DLGAP3: variants seen among roughly 807,000 people sequenced by gnomAD.
DLGAP3 encodes the protein DLG associated protein 3, also known as disks large-associated protein 3.
Under a neutral mutation model 81.2 loss-of-function variants are expected in DLGAP3, and 17 were observed. That is an observed-to-expected ratio of 0.21 (90% CI 0.14 to 0.31). The LOEUF (loss-of-function observed/expected upper bound fraction) is 0.31, where lower values mean the gene tolerates loss of function less well. DLGAP3 is among the 10% of genes least tolerant of loss of function. The pLI, the probability that DLGAP3 is intolerant of heterozygous loss-of-function variation, is 1.00. For synonymous variants in DLGAP3, 577 were observed against 587.4 expected (o/e 0.98, Z 0.26); for missense variants, 1,124 against 1,388.0 (o/e 0.81, Z 3.02).
chr1:34,918,456 T>C (rs1639750462), intron 1 of DLGAP3, among the ~76,000 whole-genome samples: 1 of 152,270 alleles, frequency 6.6e-6, no homozygotes, highest in South Asian at 2.1e-4. Flanking sequence ...CTGGTGCAGA[T>C]GGCAGGGGAG....
intron 6 of DLGAP3, 137 bp downstream of exon 6, chr1:34,885,935 C>T (rs1639219391): frequency 3.5e-6 from 4 of 1,147,606 alleles, no homozygotes; most frequent in Non-Finnish European, 4.9e-6. Context: ...CACACGCCAA[C>T]GGACGCTCTC....
In DLGAP3 at chr1:34,869,008, G is replaced by A. The variant is rs770275838; in HGVS notation, c.2082C>T (p.Ala694=). 6.2e-7 allele frequency: 1 copy of A among 1,605,254 alleles called. No individual in the cohort carries two copies. The highest frequency in any genetic ancestry group is 8.5e-7 in the Non-Finnish European group (1 of 1,179,422). Residue 694 remains alanine (A), a synonymous_variant, in exon 9 of 12, where the codon GCC becomes GCT. Coordinates refer to ENST00000373347, the MANE Select transcript of DLGAP3 (RefSeq NM_001080418.3). ...DLELEGLAGL[A]TVATEDKALQ... Reference sequence around the variant, plus strand: ...GGGCCTTGTCTTCTGTGGCCACCGTGGCCAGGCCTGCCAGGCCCTCCAGCT... The same window carrying A: ...GGGCCTTGTCTTCTGTGGCCACCGTAGCCAGGCCTGCCAGGCCCTCCAGCT...
Position 34,929,534 on chromosome 1 carries a change from G to A in DLGAP3, c.-218C>T, listed in dbSNP as rs1269573971. On this transcript the variant is annotated 5_prime_UTR_variant, in exon 1 of 12. Coordinates refer to ENST00000373347, the MANE Select transcript of DLGAP3 (RefSeq NM_001080418.3). The surrounding 1 kb of genome is among the most constrained non-coding windows in gnomAD (Gnocchi z 6.5). Reference sequence around the variant, plus strand: ...CTGCGGCGTTGGGCAGGCGGGCAGGGACCGGGGCCCGGCACTGCGGAGCCC... The same window carrying A: ...CTGCGGCGTTGGGCAGGCGGGCAGGAACCGGGGCCCGGCACTGCGGAGCCC... 6.7e-6 allele frequency: 1 copy of A among 149,426 alleles called. No individual in the cohort carries two copies. The highest frequency in any genetic ancestry group is 1.5e-5 in the Non-Finnish European group (1 of 66,976). 9.3% of individuals were successfully genotyped at this position (149,426 alleles called of 1,614,324 possible).
At chr1:34,899,936 T>C (rs2148409442) in intron 4 of DLGAP3, 132 bp downstream of exon 4, 4 of 908,414 alleles carry the variant, frequency 4.4e-6, no homozygotes, top group African/African-American at 1.6e-5. Context: ...TCCCTTTACA[T>C]GGAGTGGAGT....
Position 34,904,673 on chromosome 1 carries a change from C to T in DLGAP3, c.711G>A (p.Arg237=), listed in dbSNP as rs1179146663. The part of the protein sequence containing the change: ...HHHHHHHHQS[R]HGKRSKSKDR... ...CCTTGCTCTTGCTCCTCTTGCCGTG[C>T]CGGGACTGGTGGTGGTGGTGATGGT... The change falls in exon 3 of 12, where the codon CGG becomes CGA. Residue 237 remains arginine, a synonymous_variant. Coordinates refer to ENST00000373347, the MANE Select transcript of DLGAP3 (RefSeq NM_001080418.3). The surrounding 1 kb of genome is among the most constrained non-coding windows in gnomAD (Gnocchi z 8.1). 4.3e-6 allele frequency: 7 copies of T among 1,614,088 alleles called. No homozygotes were observed. The highest frequency in any genetic ancestry group is 2.2e-5 in the East Asian group (1 of 44,862).
At chr1:34,892,158 AAG>A (rs1639320381) in intron 5 of DLGAP3, among the ~76,000 whole-genome samples, 1 of 152,190 alleles carries the variant, frequency 6.6e-6, no homozygotes, top group African/African-American at 2.4e-5. Flanking sequence ...AATCACAACA[AAG>A]AGAGAGAGAT....
At position 34,914,404 on chromosome 1, in the gene DLGAP3, G is replaced by C. The variant is rs181913914; in HGVS notation, c.-134-6967C>G. On this transcript the variant is annotated intron_variant, in intron 1 of 11. Coordinates refer to ENST00000373347, the MANE Select transcript of DLGAP3 (RefSeq NM_001080418.3). ...CTGAAAGTCTCCAGGGGCCTTCTTT[G>C]GAGAAGACTGCACACTGCTGAGAGA... Among the ~76,000 whole-genome samples the C allele has an allele frequency of 5.9e-5, 9 of 152,246 alleles. No individual in the cohort carries two copies. The East Asian group carries it at 1.4e-3, about 23-fold the overall frequency.
At chr1:34,889,075 C>T (rs1369712274) in intron 5 of DLGAP3, among the ~76,000 whole-genome samples, 2 of 152,232 alleles carry the variant, frequency 1.3e-5, no homozygotes, top group East Asian at 3.8e-4. Context: ...ATCTGGCACA[C>T]AGTAGATGCT....
At position 34,873,132 on chromosome 1, in the gene DLGAP3, T is replaced by A. The variant is rs1639004161; in HGVS notation, c.2001-4043A>T. ...CAGTCCCACTCTATGGATGTTAGTG[T>A]CAGCCCTACTTGTAGATCAGAAAAC... On this transcript the variant is annotated intron_variant, in intron 8 of 11. Transcript: ENST00000373347. The surrounding 1 kb of genome is among the most constrained non-coding windows in gnomAD (Gnocchi z 4.2). Among the ~76,000 whole-genome samples, 1 of 152,224 alleles carries A rather than the reference T, an allele frequency of 6.6e-6. No individual in the cohort carries two copies. Among genetic ancestry groups the A allele is most frequent in the Non-Finnish European group, 1.5e-5 (1 of 68,042 alleles).
At chr1:34,871,788 C>T (rs1002644345) in intron 8 of DLGAP3, among the ~76,000 whole-genome samples, 2 of 152,146 alleles carry the variant, frequency 1.3e-5, no homozygotes, top group Non-Finnish European at 1.5e-5. Flanking sequence ...CCCATTCCAT[C>T]GCGATGGAAA....
chr1:34,900,946 T>G lies in DLGAP3; in HGVS notation c.1108-673A>C. On this transcript the variant is annotated intron_variant, in intron 3 of 11. Coordinates refer to ENST00000373347, the MANE Select transcript of DLGAP3 (RefSeq NM_001080418.3). This position sits in a 1 kb window ranked among gnomAD's most constrained non-coding sequence, Gnocchi z 5.6. ...GAGCATCAGTGAGCCTGATTAGACG[T>G]GGGGGATGAGGGGGCGGGAGGAGTC... Among the ~76,000 whole-genome samples the G allele has an allele frequency of 2.1e-5, 3 of 141,740 alleles. No homozygotes were observed. The highest frequency in any genetic ancestry group is 2.3e-4 in the South Asian group (1 of 4,342). The allele number at this position is 141,740 out of a possible 152,430, so 93.0% of individuals were successfully genotyped here. A position where few individuals can be genotyped will look rare whatever the true frequency, so the allele number is the denominator to read the frequency against.
Position 34,900,244 on chromosome 1 carries a change from G to A in DLGAP3, c.1137C>T (p.Pro379=), listed in dbSNP as rs1466537324. ...GGATCTCCCCATCCTTGCCACCGGT[G>A]GGGTAACCCCCCCAGTCATCTTGCG... The part of the protein sequence containing the change: ...QVPQDDWGGY[P]TGGKDGEIPC... Residue 379 remains proline, a synonymous_variant, in exon 4 of 12, where the codon CCC becomes CCT. Coordinates refer to ENST00000373347, the MANE Select transcript of DLGAP3 (RefSeq NM_001080418.3). The surrounding 1 kb of genome is among the most constrained non-coding windows in gnomAD (Gnocchi z 5.6). 1 of 1,613,894 alleles carries A rather than the reference G, an allele frequency of 6.2e-7. No individual in the cohort carries two copies. The highest frequency in any genetic ancestry group is 1.3e-5 in the African/African-American group (1 of 74,938).
intron 5 of DLGAP3, among the ~76,000 whole-genome samples, chr1:34,889,770 A>G (rs558888528): frequency 1.9e-4 from 29 of 152,254 alleles, no homozygotes; most frequent in Admixed American, 3.3e-4. Flanking sequence ...AGCTGAGCTC[A>G]CAAGAAAGCG....
rs11587343 is a variant in DLGAP3, at chr1:34,868,849, G to A, written c.2241C>T (p.Tyr747=). ...WAYREGYPLP[Y]EPPATDGSPG... Reference sequence around the variant, plus strand: ...GCGACCCATCGGTGGCCGGCGGCTCGTACGGCAGTGGGTAGCCCTCGCGGT... The same window carrying A: ...GCGACCCATCGGTGGCCGGCGGCTCATACGGCAGTGGGTAGCCCTCGCGGT... Residue 747 remains tyrosine (Y), a synonymous_variant, in exon 9 of 12, where the codon TAC becomes TAT. Coordinates refer to ENST00000373347, the MANE Select transcript of DLGAP3 (RefSeq NM_001080418.3). The surrounding 1 kb of genome is among the most constrained non-coding windows in gnomAD (Gnocchi z 7.5). The A allele has an allele frequency of 2.9e-3, 4,659 of 1,586,072 alleles. 10 individuals carry two copies. The highest frequency in any genetic ancestry group is 3.8e-3 in the Non-Finnish European group (4,458 of 1,171,170).
In DLGAP3 at chr1:34,929,204, C is replaced by A. The variant is rs1324580425; in HGVS notation, c.-135+247G>T. Among the ~76,000 whole-genome samples, 3 of 151,756 alleles carry A rather than the reference C, an allele frequency of 2.0e-5. No homozygotes were observed. In the South Asian group the frequency reaches 6.2e-4, roughly 31 times the overall value. ...GCTGGCCTGTCCCCGCGGCCCTGAC[C>A]GGGAGCGTGGGTCCGCGGTCCGCGT... On this transcript the variant is annotated intron_variant, in intron 1 of 11. Transcript: ENST00000373347. The surrounding 1 kb of genome is among the most constrained non-coding windows in gnomAD (Gnocchi z 6.5).
intron 1 of DLGAP3, among the ~76,000 whole-genome samples, chr1:34,918,003 T>C (rs1639742235): frequency 6.6e-6 from 1 of 152,062 alleles, no homozygotes; most frequent in South Asian, 2.1e-4. Flanking sequence ...CAGGCCAATA[T>C]AGCTGAGGGA....
At position 34,867,389 on chromosome 1, in the gene DLGAP3, C is replaced by A; in HGVS notation, c.2577+147G>T. ...AAACACCTGGTCCTACCTCCAGGCA[C>A]AAGACTCACAGCTACCCCAGAAGGC... On this transcript the variant is annotated intron_variant, in intron 10 of 11. Coordinates refer to ENST00000373347, the MANE Select transcript of DLGAP3 (RefSeq NM_001080418.3). The surrounding 1 kb of genome is among the most constrained non-coding windows in gnomAD (Gnocchi z 4.3). The A allele has an allele frequency of 9.6e-7, 1 of 1,043,568 alleles. No individual in the cohort carries two copies. The highest frequency in any genetic ancestry group is 1.5e-6 in the Non-Finnish European group (1 of 667,072). 64.6% of individuals were successfully genotyped at this position (1,043,568 alleles called of 1,614,324 possible).
chr1:34,869,128 C>T (rs778284671), intron 8 of DLGAP3, 39 bp from the exon 9 acceptor site: 13 of 1,454,090 alleles, frequency 8.9e-6, no homozygotes, highest in South Asian at 1.2e-5. Flanking sequence ...ATTGCCCAGG[C>T]TCATGCCAGC....
In DLGAP3 at chr1:34,867,398, C is replaced by CA; in HGVS notation, c.2577+137dup. 9.5e-7 allele frequency: 1 copy of CA among 1,050,756 alleles called. No individual in the cohort carries two copies. The highest frequency in any genetic ancestry group is 1.3e-5 in the South Asian group (1 of 79,284). The allele number at this position is 1,050,756 out of a possible 1,614,324, so 65.1% of individuals were successfully genotyped here. ...GTCCTACCTCCAGGCACAAGACTCA[C>CA]AGCTACCCCAGAAGGCATGCAGGCC... On this transcript the variant is annotated intron_variant, in intron 10 of 11. Coordinates refer to ENST00000373347, the MANE Select transcript of DLGAP3 (RefSeq NM_001080418.3). This position sits in a 1 kb window ranked among gnomAD's most constrained non-coding sequence, Gnocchi z 4.3.
Sources: allele counts gnomAD v4.1 joint callset (sites outside exome capture counted in the v4.1 genomes callset), GRCh38; gene constraint gnomAD v4.1.1; non-coding constraint Gnocchi (gnomAD v3.1); transcripts MANE v1.5; gene names NCBI Gene and HGNC (gene_info 2026-07-23, HGNC 2026-07-21).